The following DAPL1 variants were observed in gnomAD, a reference collection of about 807,000 sequenced individuals.
The protein encoded by DAPL1 is death associated protein like 1.
A neutral mutation model predicts 12.9 loss-of-function variants in DAPL1; 17 were observed. That is an observed-to-expected ratio of 1.32 (90% CI 0.90 to 1.98). The LOEUF (loss-of-function observed/expected upper bound fraction) is 1.98. Among genes scored for constraint, DAPL1 ranks in the 30% most tolerant of loss-of-function variants. The probability of loss-of-function intolerance (pLI) is 0.00; values close to 1 mark genes in which losing one functional copy is unlikely to be tolerated. For synonymous variants in DAPL1, 51 were observed against 42.0 expected (o/e 1.21, Z -0.82); for missense variants, 157 against 125.7 (o/e 1.25, Z -1.19).
intron 1 of DAPL1, among the ~76,000 whole-genome samples, chr2:158,801,310 GA>G (rs1202348375): frequency 6.6e-6 from 1 of 152,170 alleles, no homozygotes; most frequent in Non-Finnish European, 1.5e-5. Flanking sequence ...GTCATAAGGA[GA>G]ATGAAAAATA....
intron 3 of DAPL1, among the ~76,000 whole-genome samples, chr2:158,814,877 G>A (rs980308650): frequency 4.6e-5 from 7 of 152,116 alleles, no homozygotes; most frequent in African/African-American, 1.4e-4. Context: ...ATATTGATGG[G>A]CTTGGAAACC....
Position 158,799,422 on chromosome 2 carries a change from G to T in DAPL1, c.58+3992G>T, listed in dbSNP as rs539400395. On this transcript the variant is annotated intron_variant, in intron 1 of 3. Coordinates refer to ENST00000309950, the MANE Select transcript of DAPL1 (RefSeq NM_001017920.3). ...TTGGATACAGTGAAACTTTGAAAAG[G>T]TCTCTTGAGTCAGAGGTATCTAGTA... is the stretch of plus-strand genomic sequence containing the variant. Among the ~76,000 whole-genome samples, 14 of 152,082 alleles carry T rather than the reference G, an allele frequency of 9.2e-5. No individual in the cohort carries two copies. The South Asian group carries it at 1.2e-3, about 14-fold the overall frequency.
chr2:158,797,317 G>A (rs1235856396), intron 1 of DAPL1, among the ~76,000 whole-genome samples: 2 of 152,088 alleles, frequency 1.3e-5, no homozygotes, highest in African/African-American at 4.8e-5. Context: ...AAAGTATCTG[G>A]CACCTGAATG....
At chr2:158,809,418 G>A (rs540398460) in intron 3 of DAPL1, among the ~76,000 whole-genome samples, 122 of 150,292 alleles carry the variant, frequency 8.1e-4, no homozygotes, top group African/African-American at 2.9e-3. Flanking sequence ...ATACCTTTGT[G>A]CTCAGCTCAG....
chr2:158,798,273 T>C, intron 1 of DAPL1, among the ~76,000 whole-genome samples: 1 of 152,172 alleles, frequency 6.6e-6, no homozygotes, highest in Non-Finnish European at 1.5e-5. Context: ...GTATGACCAA[T>C]TGTAAAACTA....
At chr2:158,807,237 A>G in intron 3 of DAPL1, 122 bp downstream of exon 3, 1 of 569,738 alleles carries the variant, frequency 1.8e-6, no homozygotes, top group South Asian at 3.8e-5. Context: ...GGTCCTTGTG[A>G]AAGAATTTGT....
intron 1 of DAPL1, among the ~76,000 whole-genome samples, chr2:158,797,164 C>T (rs759066437): frequency 6.6e-6 from 1 of 152,188 alleles, no homozygotes; most frequent in African/African-American, 2.4e-5. Context: ...CATACATAGC[C>T]TTTGGAATCA....
Position 158,815,758 on chromosome 2 carries a change from T to G in DAPL1, c.261T>G (p.Pro87=). The G allele has an allele frequency of 6.2e-7, 1 of 1,614,148 alleles. No homozygotes were observed. The change falls in exon 4 of 4, where the codon CCT becomes CCG. Residue 87 remains proline (P), a synonymous_variant. Coordinates refer to ENST00000309950, the MANE Select transcript of DAPL1 (RefSeq NM_001017920.3). ...ACATGGCGCATCAAAAACCCACACC[T>G]GCTCTGGAAAAGGTTGTTCCACTGA... ...TVHMAHQKPT[P]ALEKVVPLKR...
intron 1 of DAPL1, among the ~76,000 whole-genome samples, chr2:158,799,374 A>T (rs1301915123): frequency 2.0e-5 from 3 of 152,152 alleles, no homozygotes; most frequent in Admixed American, 2.0e-4. Flanking sequence ...TACGTAAAGG[A>T]TTACAAACTT....
intron 1 of DAPL1, among the ~76,000 whole-genome samples, chr2:158,800,062 CAA>C (rs1553492201): frequency 1.3e-4 from 6 of 44,482 alleles, no homozygotes; most frequent in Non-Finnish European, 1.4e-4. Context: ...GACTCCATCT[CAA>C]AAAAAAAAAA....
At chr2:158,804,011 T>A (rs2059184090) in intron 1 of DAPL1, among the ~76,000 whole-genome samples, 1 of 152,178 alleles carries the variant, frequency 6.6e-6, no homozygotes, top group Non-Finnish European at 1.5e-5. Context: ...ATGTTGTTAT[T>A]CTCCTCCCCA....
intron 1 of DAPL1, among the ~76,000 whole-genome samples, chr2:158,803,869 A>G (rs2059183033): frequency 6.6e-6 from 1 of 152,198 alleles, no homozygotes; most frequent in Non-Finnish European, 1.5e-5. Flanking sequence ...GGAAAAAAAA[A>G]TGCAAGCCAC....
intron 2 of DAPL1, among the ~76,000 whole-genome samples, chr2:158,805,309 TC>T (rs773935653): frequency 3.3e-5 from 5 of 152,212 alleles, no homozygotes; most frequent in African/African-American, 4.8e-5. Context: ...AAATACTGAT[TC>T]GCTCCATTAG....
At chr2:158,795,865 G>C (rs1210468408) in intron 1 of DAPL1, among the ~76,000 whole-genome samples, 1 of 152,184 alleles carries the variant, frequency 6.6e-6, no homozygotes, top group Non-Finnish European at 1.5e-5. Flanking sequence ...TGCATCATGT[G>C]ACTTCCTACC....
chr2:158,802,677 A>G (rs536035911), intron 1 of DAPL1, among the ~76,000 whole-genome samples: 1 of 152,304 alleles, frequency 6.6e-6, no homozygotes, highest in South Asian at 2.1e-4. Context: ...TATAAGAAAA[A>G]CTGAAAAACA....
intron 2 of DAPL1, 114 bp from the exon 3 acceptor site, chr2:158,806,941 C>T (rs977019882): frequency 1.3e-6 from 1 of 763,574 alleles, no homozygotes; most frequent in Non-Finnish European, 2.2e-6. Context: ...TCTAGATGTT[C>T]CTAAGCAAAG....
intron 1 of DAPL1, among the ~76,000 whole-genome samples, chr2:158,801,050 T>C (rs2059164745): frequency 6.6e-6 from 1 of 152,052 alleles, no homozygotes; most frequent in African/African-American, 2.4e-5. Context: ...GCCCTGTTGG[T>C]CAGGCTGGTC....
chr2:158,807,232 T>C, intron 3 of DAPL1, 117 bp downstream of exon 3: 1 of 594,832 alleles, frequency 1.7e-6, no homozygotes. Flanking sequence ...TTTGAGGTCC[T>C]TGTGAAAGAA....
chr2:158,804,169 T>A (rs1348238063), intron 1 of DAPL1, 113 bp from the exon 2 acceptor site: 1 of 711,770 alleles, frequency 1.4e-6, no homozygotes, highest in African/African-American at 1.8e-5. Context: ...AACGTTTAGA[T>A]CTTTAAAAAA....
Sources: gnomAD v4.1 joint callset for allele counts (sites outside exome capture counted in the v4.1 genomes callset) on GRCh38, gnomAD v4.1.1 for gene constraint, MANE v1.5 for transcripts, NCBI Gene and HGNC (gene_info 2026-07-23, HGNC 2026-07-21) for gene names.